The following GCC2 variants were observed in gnomAD, a reference collection of about 807,000 sequenced individuals.
GCC2 encodes the protein GRIP and coiled-coil domain-containing protein 2.
GCC2 carries 120 observed loss-of-function variants against 210.6 expected under a neutral mutation model. The observed-to-expected ratio is 0.57, with a 90% CI of 0.49 to 0.66. GCC2 has a LOEUF of 0.66. GCC2 is among the 30% of genes least tolerant of loss of function. The pLI, the probability that GCC2 is intolerant of heterozygous loss-of-function variation, is 0.00. For missense variants in GCC2, 1,868 were observed against 1,871.9 expected (o/e 1.00, Z 0.04); for synonymous variants, 703 against 652.7 (o/e 1.08, Z -1.17).
intron 4 of GCC2, 37 bp from the exon 5 acceptor site, chr2:108,468,943 T>TGCAA: frequency 7.2e-7 from 1 of 1,381,962 alleles, no homozygotes; most frequent in South Asian, 1.2e-5. Context: ...ATCCACCATT[T>TGCAA]TTTAACCCCA....
chr2:108,453,787 A>T (rs376388769), intron 4 of GCC2, among the ~76,000 whole-genome samples: 53 of 28,274 alleles, frequency 1.9e-3, no homozygotes, highest in East Asian at 0.026. Flanking sequence ...TCCGTTTTTA[A>T]AAAAAAAAAA....
intron 4 of GCC2, among the ~76,000 whole-genome samples, chr2:108,458,374 C>CTTT (rs70956257): frequency 0.04 from 3,989 of 100,176 alleles, 148 homozygotes; most frequent in African/African-American, 0.079. Context: ...TTGTTGCTTT[C>CTTT]TTTTTTTTTT....
intron 15 of GCC2, among the ~76,000 whole-genome samples, chr2:108,486,125 A>G (rs900675060): frequency 6.6e-6 from 1 of 152,186 alleles, no homozygotes; most frequent in Non-Finnish European, 1.5e-5. Flanking sequence ...ATAATATACT[A>G]TAGAATAGTG....
At position 108,471,961 on chromosome 2, in the gene GCC2, C is replaced by T; in HGVS notation, c.2632C>T (p.Leu878Phe). 1 of 1,604,112 alleles carries T rather than the reference C, an allele frequency of 6.2e-7. No homozygotes were observed. The highest frequency in any genetic ancestry group is 8.5e-7 in the Non-Finnish European group (1 of 1,177,338). ...NEKTRLENQN[L>F]LIQVEEVSQT... ...AAAAACAAGGCTTGAAAATCAGAAT[C>T]TTTTAATTCAAGTTGAAGAAGTATC... The change falls in exon 6 of 23, where the codon CTT becomes TTT. Residue 878 changes from leucine (L) to phenylalanine (F), a missense_variant. Transcript: ENST00000309863.
intron 22 of GCC2, among the ~76,000 whole-genome samples, chr2:108,500,850 A>G (rs1682890366): frequency 3.3e-5 from 5 of 152,138 alleles, no homozygotes; most frequent in Admixed American, 3.3e-4. Context: ...TCCCCAGTGA[A>G]TAATTCAATG....
At chr2:108,490,047 G>A (rs778903160) in intron 18 of GCC2, 33 bp downstream of exon 18, 1 of 1,450,760 alleles carries the variant, frequency 6.9e-7, no homozygotes, top group African/African-American at 1.4e-5. Context: ...CGCTGTACCA[G>A]ACAGCAATGT....
intron 4 of GCC2, among the ~76,000 whole-genome samples, chr2:108,459,463 G>A (rs1294906132): frequency 2.6e-4 from 40 of 152,198 alleles, no homozygotes; most frequent in Non-Finnish European, 5.0e-4. Context: ...TTCTGCAGCT[G>A]TTGGATAAAA....
intron 4 of GCC2, among the ~76,000 whole-genome samples, chr2:108,456,179 G>T (rs942226085): frequency 6.6e-6 from 1 of 152,080 alleles, no homozygotes; most frequent in African/African-American, 2.4e-5. Context: ...TAGAGATGGG[G>T]TTTCACCATA....
In GCC2 at chr2:108,485,622, A is replaced by T. The variant is rs756337151; in HGVS notation, c.3614-14A>T. On this transcript the variant is annotated splice_polypyrimidine_tract_variant and intron_variant, in intron 13 of 22. Coordinates refer to ENST00000309863, the MANE Select transcript of GCC2 (RefSeq NM_181453.4). ...TGTTACATCTTTTTCTGCTGAAATT[A>T]TTTCTTGTGCTAGCTTCATTACAGT... 1 of 1,329,156 alleles carries T rather than the reference A, an allele frequency of 7.5e-7. No individual in the cohort carries two copies. Among genetic ancestry groups the T allele is most frequent in the African/African-American group, 1.5e-5 (1 of 67,368 alleles). 82.3% of individuals were successfully genotyped at this position (1,329,156 alleles called of 1,614,324 possible).
chr2:108,471,422 G>T lies in GCC2; in HGVS notation c.2093G>T (p.Ser698Ile). 6.2e-7 allele frequency: 1 copy of T among 1,606,242 alleles called. No homozygotes were observed. The highest frequency in any genetic ancestry group is 8.5e-7 in the Non-Finnish European group (1 of 1,177,920). ...CTTTATGAGGAAAACAATAAACTCA[G>T]TTCAGAAAAAAAACAGTTGAGTAGG... is the stretch of plus-strand genomic sequence containing the variant. ...KSLYEENNKL[S>I]SEKKQLSRDL... Residue 698 changes from serine to isoleucine, a missense_variant, in exon 6 of 23, where the codon AGT becomes ATT. Ser to Ile is a moderately radical substitution (Grantham distance 142). Around this residue, in one of 3 missense-constraint regions of GCC2, gnomAD observed 1,847 missense variants for 1,765.2 expected, o/e 1.05. Coordinates refer to ENST00000309863, the MANE Select transcript of GCC2 (RefSeq NM_181453.4).
At chr2:108,503,400 A>G (rs2699644) in intron 22 of GCC2, among the ~76,000 whole-genome samples, 3 of 152,244 alleles carry the variant, frequency 2.0e-5, no homozygotes, top group African/African-American at 4.8e-5. Context: ...GCCTTCATTG[A>G]AAATTCTTAA....
At position 108,492,689 on chromosome 2, in the gene GCC2, A is replaced by G. The variant is rs367971760; in HGVS notation, c.4346A>G (p.His1449Arg). Residue 1449 changes from histidine (H) to arginine (R), a missense_variant, in exon 19 of 23, where the codon CAT (histidine) becomes CGT (arginine). Transcript: ENST00000309863. ...AATAGCTTCCGAGATCAAGTGCGACATTTGCAGGAAGAACACAGAAAGACA... is the reference window on the plus strand; with the variant it reads ...AATAGCTTCCGAGATCAAGTGCGACGTTTGCAGGAAGAACACAGAAAGACA... ...LRNSFRDQVRHLQEEHRKTVE... is the reference protein window; with the variant it reads ...LRNSFRDQVRRLQEEHRKTVE... The G allele has an allele frequency of 4.3e-6, 7 of 1,613,932 alleles. No individual in the cohort carries two copies. Among genetic ancestry groups the G allele is most frequent in the Non-Finnish European group, 5.9e-6 (7 of 1,179,874 alleles).
At chr2:108,453,924 C>G (rs1425490556) in intron 4 of GCC2, among the ~76,000 whole-genome samples, 1 of 152,054 alleles carries the variant, frequency 6.6e-6, no homozygotes, top group Non-Finnish European at 1.5e-5. Flanking sequence ...TTTTACATCT[C>G]AGAGCTCTGA....
At chr2:108,500,257 A>G (rs1405565248) in intron 22 of GCC2, among the ~76,000 whole-genome samples, 6 of 152,160 alleles carry the variant, frequency 3.9e-5, no homozygotes, top group South Asian at 2.1e-4. Flanking sequence ...GTTCACGCCT[A>G]TAATCCCACC....
chr2:108,468,586 C>A (rs1221173853), intron 4 of GCC2, among the ~76,000 whole-genome samples: 2 of 152,190 alleles, frequency 1.3e-5, no homozygotes, highest in African/African-American at 4.8e-5. Context: ...TACTCTCTGA[C>A]TGGTCCCTAT....
chr2:108,456,512 A>T (rs1017356093), intron 4 of GCC2, among the ~76,000 whole-genome samples: 9 of 152,056 alleles, frequency 5.9e-5, no homozygotes, highest in Non-Finnish European at 1.3e-4. Context: ...ATGTCTATTC[A>T]TGTCCCTTGC....
intron 2 of GCC2, chr2:108,450,092 C>G (rs1360087037): frequency 6.0e-6 from 1 of 166,664 alleles, no homozygotes; most frequent in Non-Finnish European, 1.3e-5. Context: ...GTTTAACATT[C>G]AATCATTCTA....
chr2:108,452,930 G>A (rs903628403), intron 4 of GCC2, among the ~76,000 whole-genome samples: 30 of 152,034 alleles, frequency 2.0e-4, no homozygotes, highest in Non-Finnish European at 3.8e-4. Context: ...TTGACCTCAC[G>A]ATCCGCCCGC....
intron 4 of GCC2, among the ~76,000 whole-genome samples, chr2:108,455,762 T>C (rs1182766587): frequency 6.6e-6 from 1 of 152,244 alleles, no homozygotes; most frequent in African/African-American, 2.4e-5. Flanking sequence ...TTATTCTTTT[T>C]TATGGGCATA....
Sources: allele counts gnomAD v4.1 joint callset (sites outside exome capture counted in the v4.1 genomes callset), GRCh38; gene constraint gnomAD v4.1.1; regional missense constraint gnomAD v4.1.1; transcripts MANE v1.5; gene names NCBI Gene and HGNC (gene_info 2026-07-23, HGNC 2026-07-21).